Variants in TMEFF2 observed in about 807,000 individuals in gnomAD.
TMEFF2 encodes transmembrane protein with EGF like and two follistatin like domains 2.
In TMEFF2, 28 loss-of-function variants were observed where a neutral mutation model predicts 53.8. The ratio of observed to expected loss-of-function variants is 0.52; its 90% CI spans 0.39 to 0.71. TMEFF2 has a LOEUF of 0.71. Among genes scored for constraint, TMEFF2 ranks in the 30% least tolerant of loss-of-function variants. The pLI is 0.00. For missense variants in TMEFF2, 353 were observed against 455.2 expected (o/e 0.78, Z 2.04); for synonymous variants, 162 against 166.3 (o/e 0.97, Z 0.20).
chr2:191,972,308 C>G (rs1453701533), intron 7 of TMEFF2, among the ~76,000 whole-genome samples: 3 of 72,830 alleles, frequency 4.1e-5, no homozygotes, highest in African/African-American at 6.0e-5. Flanking sequence ...TCATGCCCAG[C>G]TTTTTTTTTT....
At chr2:192,012,032 G>A (rs568084677) in intron 5 of TMEFF2, among the ~76,000 whole-genome samples, 8 of 152,000 alleles carry the variant, frequency 5.3e-5, no homozygotes, top group Non-Finnish European at 1.2e-4. Flanking sequence ...GACTATAGGC[G>A]CCCACGACCT....
In TMEFF2 at chr2:192,184,364, T is replaced by A. The variant is rs1200785213; in HGVS notation, c.402A>T (p.Ser134=). The change falls in exon 3 of 10, where the codon TCA becomes TCT. Residue 134 remains serine (S), a synonymous_variant. Coordinates refer to ENST00000272771, the MANE Select transcript of TMEFF2 (RefSeq NM_016192.4). The part of the protein sequence containing the change: ...QSEILVVSEG[S]CATDAGSGSG... ...AGATCACACACATACCTGTGGCACA[T>A]GATCCTTCTGACACCACAAGTATCT... 6.2e-7 allele frequency: 1 copy of A among 1,613,080 alleles called. No homozygotes were observed. Among genetic ancestry groups the A allele is most frequent in the Non-Finnish European group, 8.5e-7 (1 of 1,179,396 alleles).
chr2:191,987,965 A>G (rs1686018272), intron 7 of TMEFF2, among the ~76,000 whole-genome samples: 1 of 152,178 alleles, frequency 6.6e-6, no homozygotes, highest in South Asian at 2.1e-4. Context: ...AGTATAATGA[A>G]GATGATAATG....
chr2:192,096,670 CTTTTT>C (rs1179296312), intron 4 of TMEFF2, among the ~76,000 whole-genome samples: 1 of 53,702 alleles, frequency 1.9e-5, no homozygotes, highest in African/African-American at 1.4e-4. Flanking sequence ...CTCTCTCTCT[CTTTTT>C]TTTTTTTTTT....
At chr2:192,136,035 G>C (rs1193483146) in intron 4 of TMEFF2, among the ~76,000 whole-genome samples, 2 of 152,016 alleles carry the variant, frequency 1.3e-5, no homozygotes, top group African/African-American at 4.8e-5. Flanking sequence ...CAGCCCACCT[G>C]CACCCAGGTG....
chr2:192,021,191 T>C (rs1686851619), intron 5 of TMEFF2, among the ~76,000 whole-genome samples: 1 of 152,200 alleles, frequency 6.6e-6, no homozygotes, highest in African/African-American at 2.4e-5. Context: ...ACTTACTTAC[T>C]CAATTTTCTT....
Position 192,164,589 on chromosome 2 carries a change from G to A in TMEFF2, c.439+15079C>T, listed in dbSNP as rs183095892. On this transcript the variant is annotated intron_variant, in intron 4 of 9. Coordinates refer to ENST00000272771, the MANE Select transcript of TMEFF2 (RefSeq NM_016192.4). ...CTAAAAATACAAAAATTAGCTGGGCGTGGTGGTATGTGCCTGCAATCCCAG... is the reference window on the plus strand; with the variant it reads ...CTAAAAATACAAAAATTAGCTGGGCATGGTGGTATGTGCCTGCAATCCCAG... Among the ~76,000 whole-genome samples, 229 of 152,146 alleles carry A rather than the reference G, an allele frequency of 1.5e-3. No homozygotes were observed. In the East Asian group the frequency reaches 0.016, roughly 11 times the overall value.
chr2:192,128,794 G>A (rs774616010), intron 4 of TMEFF2, among the ~76,000 whole-genome samples: 29 of 152,298 alleles, frequency 1.9e-4, no homozygotes, highest in African/African-American at 2.6e-4. Flanking sequence ...GGGTTGCCAA[G>A]CAGCTTCCAA....
At chr2:192,096,546 G>C (rs1688908571) in intron 4 of TMEFF2, among the ~76,000 whole-genome samples, 1 of 151,848 alleles carries the variant, frequency 6.6e-6, no homozygotes, top group Non-Finnish European at 1.5e-5. Flanking sequence ...TTAAAATTGA[G>C]TGTATATTTA....
At chr2:192,188,789 C>T (rs1449458360) in intron 2 of TMEFF2, among the ~76,000 whole-genome samples, 2 of 151,690 alleles carry the variant, frequency 1.3e-5, no homozygotes, top group Admixed American at 6.6e-5. Context: ...CTTTTTTCCT[C>T]CCTCTCTGCC....
chr2:191,953,883 ATTTTTTTTTTTTTT>A (rs563154787), intron 8 of TMEFF2, 46 bp from the exon 9 acceptor site: 1 of 607,964 alleles, frequency 1.6e-6, no homozygotes, highest in Non-Finnish European at 2.2e-6. Flanking sequence ...TGCTGCATTC[ATTTTTTTTTTTTTT>A]TTTTTTTTTT....
intron 4 of TMEFF2, among the ~76,000 whole-genome samples, chr2:192,117,679 T>C (rs1035350043): frequency 3.3e-5 from 5 of 152,004 alleles, no homozygotes; most frequent in Non-Finnish European, 5.9e-5. Flanking sequence ...CCCCCACTTT[T>C]CTGCATGGCA....
intron 4 of TMEFF2, among the ~76,000 whole-genome samples, chr2:192,159,957 C>T (rs1297193664): frequency 1.3e-5 from 2 of 152,152 alleles, no homozygotes; most frequent in Non-Finnish European, 1.5e-5. Flanking sequence ...AGTAATAGGG[C>T]CAGTGATAAT....
intron 2 of TMEFF2, among the ~76,000 whole-genome samples, chr2:192,185,887 C>G (rs1484645016): frequency 6.6e-6 from 1 of 151,996 alleles, no homozygotes; most frequent in African/African-American, 2.4e-5. Context: ...TTATTAACAA[C>G]TTAAATATAA....
At chr2:191,969,157 A>G (rs113784678) in intron 7 of TMEFF2, among the ~76,000 whole-genome samples, 1,255 of 99,826 alleles carry the variant, frequency 0.013, 27 homozygotes, top group African/African-American at 0.04. Flanking sequence ...GTGTGTGTAT[A>G]TATATATATA....
chr2:192,163,526 C>T (rs930636158), intron 4 of TMEFF2, among the ~76,000 whole-genome samples: 1 of 152,102 alleles, frequency 6.6e-6, no homozygotes, highest in Non-Finnish European at 1.5e-5. Context: ...TTTTTTACTG[C>T]CATACCAGTG....
intron 5 of TMEFF2, among the ~76,000 whole-genome samples, chr2:192,051,881 A>G (rs1413811738): frequency 1.3e-5 from 2 of 152,238 alleles, no homozygotes; most frequent in South Asian, 2.1e-4. Context: ...TGAAACATCA[A>G]TGAAATAGAG....
At chr2:192,010,784 C>G (rs1686607745) in intron 5 of TMEFF2, among the ~76,000 whole-genome samples, 1 of 152,202 alleles carries the variant, frequency 6.6e-6, no homozygotes, top group South Asian at 2.1e-4. Flanking sequence ...GCAGTAATAA[C>G]TACTTACACC....
chr2:192,165,704 A>G (rs1390400189), intron 4 of TMEFF2, among the ~76,000 whole-genome samples: 2 of 151,892 alleles, frequency 1.3e-5, no homozygotes, highest in Non-Finnish European at 2.9e-5. Context: ...AACAGTAGGC[A>G]ACTACTGCAT....
Sources: gnomAD v4.1 joint callset for allele counts (sites outside exome capture counted in the v4.1 genomes callset) on GRCh38, gnomAD v4.1.1 for gene constraint, MANE v1.5 for transcripts, NCBI Gene and HGNC (gene_info 2026-07-23, HGNC 2026-07-21) for gene names.